The following XDH variants were observed in gnomAD, a reference collection of about 807,000 sequenced individuals.
XDH encodes xanthine dehydrogenase/oxidase.
XDH carries 138 observed loss-of-function variants against 156.1 expected under a neutral mutation model. That is an observed-to-expected ratio of 0.88 (90% CI 0.77 to 1.02). The LOEUF is 1.02. Ranked by LOEUF, XDH falls within the 50% of genes least tolerant of loss-of-function variation. XDH has a pLI of 0.00. For missense variants in XDH, 1,849 were observed against 1,684.9 expected, an observed-to-expected ratio of 1.10 and a Z score of -1.71; for synonymous variants, 669 against 625.7, an observed-to-expected ratio of 1.07 and a Z score of -1.03.
Position 31,365,439 on chromosome 2 carries a change from A to C in XDH, c.2544+18T>G, listed in dbSNP as rs1324581170. 2 of 1,613,942 alleles carry C rather than the reference A, an allele frequency of 1.2e-6. No individual in the cohort carries two copies. Among genetic ancestry groups the C allele is most frequent in the Non-Finnish European group, 1.7e-6 (2 of 1,179,898 alleles). Reference sequence around the variant, plus strand: ...AAAATGGCTCATCCCGCCCCAGCACAGCCCCAACATCTAGAACCTTGTATC... The same window carrying C: ...AAAATGGCTCATCCCGCCCCAGCACCGCCCCAACATCTAGAACCTTGTATC... On this transcript the variant is annotated intron_variant, in intron 23 of 35. Transcript: ENST00000379416.
intron 24 of XDH, among the ~76,000 whole-genome samples, chr2:31,359,305 G>A (rs1281783904): frequency 6.6e-6 from 1 of 151,628 alleles, no homozygotes; most frequent in African/African-American, 2.4e-5. Context: ...GTTTTGGAAG[G>A]GCTGTTTGAC....
Position 31,401,225 on chromosome 2 carries a change from C to A in XDH, c.301G>T (p.Val101Leu). Reference sequence around the variant, plus strand: ...GCTCCCTTTCCTCTGTTTACCTGCACAGGATGCAGCCTCGTCTTGGTGCTT... The same window carrying A: ...GCTCCCTTTCCTCTGTTTACCTGCAAAGGATGCAGCCTCGTCTTGGTGCTT... ...IGSTKTRLHP[V>L]QERIAKSHGS... is the part of the protein sequence containing the mutation. The change falls in exon 4 of 36, where the codon GTG (valine) becomes TTG (leucine). Residue 101 changes from valine (V) to leucine (L), a missense_variant. Transcript: ENST00000379416. 6.2e-7 allele frequency: 1 copy of A among 1,614,158 alleles called. No homozygotes were observed. The highest frequency in any genetic ancestry group is 8.5e-7 in the Non-Finnish European group (1 of 1,180,016).
At chr2:31,407,540 T>C (rs538779342) in intron 1 of XDH, among the ~76,000 whole-genome samples, 1 of 152,268 alleles carries the variant, frequency 6.6e-6, no homozygotes, top group South Asian at 2.1e-4. Context: ...ATCACTCATA[T>C]CATGAGACAT....
chr2:31,342,361 C>T (rs1002896258), intron 31 of XDH, 64 bp from the exon 32 acceptor site: 16 of 1,387,848 alleles, frequency 1.2e-5, no homozygotes, highest in South Asian at 7.0e-5. Flanking sequence ...TCCCTATGCA[C>T]GTACAGCTTG....
rs72549366 is a variant in XDH at position 31,366,982 on chromosome 2, A to G, written c.2210T>C (p.Ile737Thr). The change falls in exon 21 of 36, where the codon ATC becomes ACC. Residue 737 changes from isoleucine to threonine, a missense_variant. Coordinates refer to ENST00000379416, the MANE Select transcript of XDH (RefSeq NM_000379.4). ...CAGGTAGAAGTGCTCTTGGCCACCG[A>G]TGTATATCTCCCCTGGGGAAGCAGT... Reference protein sequence around the residue: ...ADNVVSGEIYIGGQEHFYLET... With the variant: ...ADNVVSGEIYTGGQEHFYLET... The G allele has an allele frequency of 1.2e-6, 2 of 1,614,104 alleles. No individual in the cohort carries two copies. The highest frequency in any genetic ancestry group is 1.7e-6 in the Non-Finnish European group (2 of 1,179,936).
intron 26 of XDH, among the ~76,000 whole-genome samples, chr2:31,349,447 C>A (rs771324021): frequency 6.6e-6 from 1 of 152,130 alleles, no homozygotes; most frequent in Admixed American, 6.5e-5. Context: ...CAAAGGTTTA[C>A]AAACGCGTAA....
At chr2:31,387,127 G>A (rs185925) in intron 8 of XDH, among the ~76,000 whole-genome samples, 102,140 of 151,702 alleles carry the variant, frequency 0.67, 34,864 homozygotes, top group African/African-American at 0.76. Context: ...CCCTCAAATC[G>A]AACTGCCAGT....
At chr2:31,381,387 C>G (rs939874383) in intron 12 of XDH, among the ~76,000 whole-genome samples, 2 of 152,192 alleles carry the variant, frequency 1.3e-5, no homozygotes, top group African/African-American at 2.4e-5. Flanking sequence ...GCCAGTGCAT[C>G]CCAGCCCCAG....
At chr2:31,344,579 C>T in intron 31 of XDH, 105 bp downstream of exon 31, 1 of 1,289,374 alleles carries the variant, frequency 7.8e-7, no homozygotes, top group Non-Finnish European at 1.1e-6. Context: ...ATAAGTGGAG[C>T]TGCTCTCTCC....
chr2:31,336,030 C>A, intron 35 of XDH, 22 bp from the exon 36 acceptor site: 1 of 1,613,702 alleles, frequency 6.2e-7, no homozygotes, highest in Non-Finnish European at 8.5e-7. Context: ...TGATAGTGTT[C>A]TCATTGCCAG....
chr2:31,350,177 G>A lies in XDH; in HGVS notation c.2678C>T (p.Pro893Leu). The change falls in exon 25 of 36, where the codon CCC becomes CTC. Residue 893 changes from proline to leucine, a missense_variant. Transcript: ENST00000379416. ...LFHMDNCYKIPNIRGTGRLCK... is the reference protein window; with the variant it reads ...LFHMDNCYKILNIRGTGRLCK... The stretch of plus-strand genomic sequence containing the variant: ...CAGCCGCCCAGTGCCCCGGATGTTG[G>A]GGATTTTATAGCAGTTGTCCATGTG... 1.2e-6 allele frequency: 2 copies of A among 1,614,166 alleles called. No homozygotes were observed. Among genetic ancestry groups the A allele is most frequent in the South Asian group, 1.1e-5 (1 of 91,082 alleles).
chr2:31,407,356 G>A (rs1249441357), intron 1 of XDH, among the ~76,000 whole-genome samples: 1 of 152,174 alleles, frequency 6.6e-6, no homozygotes, highest in South Asian at 2.1e-4. Flanking sequence ...CAGAGGATGT[G>A]GAAGTGTCGC....
At position 31,339,598 on chromosome 2, in the gene XDH, G is replaced by A. The variant is rs148235835; in HGVS notation, c.3665C>T (p.Thr1222Ile). Residue 1222 changes from threonine to isoleucine, a missense_variant, in exon 34 of 36, where the codon ACC becomes ATC. Coordinates refer to ENST00000379416, the MANE Select transcript of XDH (RefSeq NM_000379.4). ...GATCTTGTAGGTGCTAGGGCCACGG[G>A]TGTGCAGGCTCCCCTCGGGGGAATA... ...LHYSPEGSLHTRGPSTYKIPA... is the reference protein window; with the variant it reads ...LHYSPEGSLHIRGPSTYKIPA... 3.4e-4 allele frequency: 548 copies of A among 1,614,214 alleles called. No individual in the cohort carries two copies. Among genetic ancestry groups the A allele is most frequent in the Non-Finnish European group, 4.3e-4 (510 of 1,180,044 alleles).
At position 31,342,202 on chromosome 2, in the gene XDH, C is replaced by T; in HGVS notation, c.3500G>A (p.Cys1167Tyr). The change falls in exon 32 of 36, where the codon TGC becomes TAC. Residue 1167 changes from cysteine to tyrosine, a missense_variant. Cys to Tyr is a radical substitution (Grantham distance 194). Transcript: ENST00000379416. ...GVACSEVEID[C>Y]LTGDHKNLRT... ...TCTTACCTTATGATCTCCTGTTAGGCAGTCGATTTCTACTTCAGAGCAAGC... is the reference window on the plus strand; with the variant it reads ...TCTTACCTTATGATCTCCTGTTAGGTAGTCGATTTCTACTTCAGAGCAAGC... The T allele has an allele frequency of 6.2e-7, 1 of 1,614,098 alleles. No individual in the cohort carries two copies. Among genetic ancestry groups the T allele is most frequent in the South Asian group, 1.1e-5 (1 of 91,070 alleles).
chr2:31,375,636 G>C, intron 14 of XDH, 82 bp from the exon 15 acceptor site: 1 of 1,507,902 alleles, frequency 6.6e-7, no homozygotes, highest in Non-Finnish European at 9.0e-7. Flanking sequence ...CCAGGGCCTC[G>C]GAGCTGTACA....
At chr2:31,353,931 T>C (rs1685558045) in intron 24 of XDH, among the ~76,000 whole-genome samples, 1 of 152,092 alleles carries the variant, frequency 6.6e-6, no homozygotes, top group Non-Finnish European at 1.5e-5. Flanking sequence ...CATAAGGCTG[T>C]ACCTACACCT....
At chr2:31,386,604 A>G (rs770704255) in intron 8 of XDH, 49 bp from the exon 9 acceptor site, 7 of 1,612,568 alleles carry the variant, frequency 4.3e-6, no homozygotes, top group African/African-American at 4.0e-5. Context: ...TCCTACTGTC[A>G]TTCCTCTTAT....
chr2:31,342,566 C>A (rs528389807), intron 31 of XDH, among the ~76,000 whole-genome samples: 1 of 152,148 alleles, frequency 6.6e-6, no homozygotes, highest in African/African-American at 2.4e-5. Context: ...ACCATGCTAG[C>A]CTCTGCACAG....
At chr2:31,395,266 G>A (rs1160395684) in intron 6 of XDH, among the ~76,000 whole-genome samples, 1 of 151,936 alleles carries the variant, frequency 6.6e-6, no homozygotes, top group Non-Finnish European at 1.5e-5. Context: ...GCTTCTCAGG[G>A]TTTTTTTTCT....
Sources: allele counts gnomAD v4.1 joint callset (sites outside exome capture counted in the v4.1 genomes callset), GRCh38; gene constraint gnomAD v4.1.1; transcripts MANE v1.5; gene names NCBI Gene and HGNC (gene_info 2026-07-23, HGNC 2026-07-21).